CYYR1: variants seen among roughly 807,000 people sequenced by gnomAD.
CYYR1 encodes cysteine and tyrosine-rich protein 1.
A neutral mutation model predicts 15.2 loss-of-function variants in CYYR1; 14 were observed. The ratio of observed to expected loss-of-function variants is 0.92; its 90% confidence interval spans 0.61 to 1.44. The LOEUF is 1.44. Ranked by LOEUF, CYYR1 falls within the 40% of genes most tolerant of loss-of-function variation. The pLI is 0.00. For missense variants in CYYR1, 228 were observed against 209.5 expected (o/e 1.09, Z -0.54); for synonymous variants, 80 against 77.4 (o/e 1.03, Z -0.18).
intron 2 of CYYR1, among the ~76,000 whole-genome samples, chr21:26,542,286 T>C (rs906039872): frequency 1.5e-5 from 1 of 65,358 alleles, no homozygotes; most frequent in Non-Finnish European, 3.6e-5. Context: ...TATGTGTGTG[T>C]GTGCGTGTGT....
rs574872073 is a variant in CYYR1 at position 26,548,042 on chromosome 21, T to C, written c.176+18224A>G. Among the ~76,000 whole-genome samples, 4 of 152,312 alleles carry C rather than the reference T, an allele frequency of 2.6e-5. No homozygotes were observed. The East Asian group carries it at 7.7e-4, about 29-fold the overall frequency. On this transcript the variant is annotated intron_variant, in intron 2 of 3. Coordinates refer to ENST00000652641, the MANE Select transcript of CYYR1 (RefSeq NM_001320768.2). ...CACTATTTTACATCTATTACACTATTTTATCACTTATTTTTGGCACAGGCA... is the reference window on the plus strand; with the variant it reads ...CACTATTTTACATCTATTACACTATCTTATCACTTATTTTTGGCACAGGCA...
At position 26,480,383 on chromosome 21, in the gene CYYR1, C is replaced by G; in HGVS notation, c.223G>C (p.Gly75Arg). ...GIVFGIVFIM[G>R]VIAGIAICIC... Reference sequence around the variant, plus strand: ...CATATGGCAATCCCAGCAATGACCCCCATGATAAATACTATTCCAAAAACA... The same window carrying G: ...CATATGGCAATCCCAGCAATGACCCGCATGATAAATACTATTCCAAAAACA... Residue 75 changes from glycine to arginine, a missense_variant, in exon 3 of 4, where the codon GGG becomes CGG. By Grantham distance (125) the Gly-to-Arg change is moderately radical. Coordinates refer to ENST00000652641, the MANE Select transcript of CYYR1 (RefSeq NM_001320768.2). 6.2e-7 allele frequency: 1 copy of G among 1,613,406 alleles called. No homozygotes were observed. Among genetic ancestry groups the G allele is most frequent in the Non-Finnish European group, 8.5e-7 (1 of 1,179,614 alleles).
intron 2 of CYYR1, among the ~76,000 whole-genome samples, chr21:26,515,973 T>C (rs1370233170): frequency 6.6e-6 from 1 of 152,206 alleles, no homozygotes; most frequent in Non-Finnish European, 1.5e-5. Context: ...TGAAATTCTA[T>C]AGAATGAAGC....
At chr21:26,529,242 T>C (rs977339557) in intron 2 of CYYR1, among the ~76,000 whole-genome samples, 1 of 152,220 alleles carries the variant, frequency 6.6e-6, no homozygotes, top group Non-Finnish European at 1.5e-5. Context: ...CAAAGTCCAT[T>C]CTATGTTTAT....
intron 2 of CYYR1, among the ~76,000 whole-genome samples, chr21:26,506,118 T>C (rs529303410): frequency 6.6e-6 from 1 of 152,250 alleles, no homozygotes; most frequent in South Asian, 2.1e-4. Flanking sequence ...ACCACCCATT[T>C]CCCAAAGGTT....
At chr21:26,566,575 A>G (rs1289668789) in intron 1 of CYYR1, among the ~76,000 whole-genome samples, 1 of 152,158 alleles carries the variant, frequency 6.6e-6, no homozygotes, top group Non-Finnish European at 1.5e-5. Context: ...GACAAAGACA[A>G]CTCTTGAATC....
intron 3 of CYYR1, among the ~76,000 whole-genome samples, chr21:26,478,294 T>C (rs551950754): frequency 6.6e-6 from 1 of 151,210 alleles, no homozygotes; most frequent in African/African-American, 2.5e-5. Flanking sequence ...ATAGGGTGTA[T>C]TAAATCAGGG....
intron 2 of CYYR1, among the ~76,000 whole-genome samples, chr21:26,562,467 A>T (rs941824632): frequency 1.2e-4 from 19 of 152,172 alleles, no homozygotes; most frequent in Admixed American, 1.2e-3. Context: ...CAACAAAAGC[A>T]CATCATTAAA....
intron 3 of CYYR1, chr21:26,477,428 G>A (rs898590555): frequency 1.3e-5 from 2 of 153,728 alleles, no homozygotes; most frequent in Admixed American, 6.6e-5. Flanking sequence ...CCATTATTCA[G>A]TTCTGAGAAC....
At position 26,480,426 on chromosome 21, in the gene CYYR1, GCCCCT is replaced by G. The variant is rs1243577761; in HGVS notation, c.177-2_179del. Reference sequence around the variant, plus strand: ...CAAAAACAATGCCCGCAATTGCAGTGCCCCTAAAAGGAAAAACAAGTAAGTTTACT... The same window carrying G: ...CAAAAACAATGCCCGCAATTGCAGTGAAAAGGAAAAACAAGTAAGTTTACT... On this transcript the variant is annotated splice_acceptor_variant and coding_sequence_variant, in exon 3 of 4. Coordinates refer to ENST00000652641, the MANE Select transcript of CYYR1 (RefSeq NM_001320768.2). LOFTEE classifies it high-confidence loss of function. 6.2e-7 allele frequency: 1 copy of G among 1,608,688 alleles called. No individual in the cohort carries two copies. Among genetic ancestry groups the G allele is most frequent in the Admixed American group, 1.7e-5 (1 of 58,866 alleles).
intron 2 of CYYR1, among the ~76,000 whole-genome samples, chr21:26,525,562 T>C (rs1023418513): frequency 3.3e-5 from 5 of 152,216 alleles, no homozygotes; most frequent in Admixed American, 2.6e-4. Flanking sequence ...CATGAAGATA[T>C]TTATCTCATT....
intron 2 of CYYR1, among the ~76,000 whole-genome samples, chr21:26,520,678 G>A (rs1057191623): frequency 7.2e-5 from 11 of 151,746 alleles, no homozygotes; most frequent in Non-Finnish European, 5.9e-5. Context: ...ATGGTTGAAC[G>A]AATTTACATT....
At chr21:26,487,377 CAT>C (rs1042443555) in intron 2 of CYYR1, among the ~76,000 whole-genome samples, 1 of 152,152 alleles carries the variant, frequency 6.6e-6, no homozygotes, top group South Asian at 2.1e-4. Context: ...TGATGATACA[CAT>C]GAGATGAATT....
intron 2 of CYYR1, among the ~76,000 whole-genome samples, chr21:26,494,610 T>C (rs545132302): frequency 6.6e-6 from 1 of 152,166 alleles, no homozygotes; most frequent in Admixed American, 6.5e-5. Flanking sequence ...GACGCAGTAG[T>C]TGGTGTGGAA....
In CYYR1 at chr21:26,562,799, A is replaced by AACACACACACACACACACAC. The variant is rs57351372; in HGVS notation, c.176+3447_176+3466dup. The stretch of plus-strand genomic sequence containing the variant: ...ACACACACACACAGAGACATACACA[A>AACACACACACACACACACAC]ACACACACACACACACACACACACA... On this transcript the variant is annotated intron_variant, in intron 2 of 3. Coordinates refer to ENST00000652641, the MANE Select transcript of CYYR1 (RefSeq NM_001320768.2). Among the ~76,000 whole-genome samples, 1,177 of 132,552 alleles carry AACACACACACACACACACAC rather than the reference A, an allele frequency of 8.9e-3. 28 individuals carry two copies. Among genetic ancestry groups the AACACACACACACACACACAC allele is most frequent in the Middle Eastern group, 0.019 (5 of 264 alleles). 87.0% of individuals were successfully genotyped at this position (132,552 alleles called of 152,430 possible). A position where few individuals can be genotyped will look rare whatever the true frequency, so the allele number is the denominator to read the frequency against.
chr21:26,566,767 T>C (rs781479795), intron 1 of CYYR1, among the ~76,000 whole-genome samples: 16 of 152,164 alleles, frequency 1.1e-4, no homozygotes, highest in Non-Finnish European at 1.9e-4. Flanking sequence ...CCCAGCACTT[T>C]GGGAGGCTGA....
chr21:26,534,603 T>C (rs2065973156), intron 2 of CYYR1, among the ~76,000 whole-genome samples: 1 of 152,110 alleles, frequency 6.6e-6, no homozygotes, highest in African/African-American at 2.4e-5. Flanking sequence ...TCGTTGCCAC[T>C]TAACCACCTT....
intron 2 of CYYR1, among the ~76,000 whole-genome samples, chr21:26,481,119 C>T (rs1027709800): frequency 6.6e-6 from 1 of 152,046 alleles, no homozygotes; most frequent in African/African-American, 2.4e-5. Flanking sequence ...AGAAAAGAGT[C>T]AACATTATGA....
chr21:26,513,484 C>G (rs1601776188), intron 2 of CYYR1, among the ~76,000 whole-genome samples: 1 of 152,186 alleles, frequency 6.6e-6, no homozygotes, highest in African/African-American at 2.4e-5. Context: ...AGTTAGTGCT[C>G]CCATAAAGCT....
Sources: allele counts gnomAD v4.1 joint callset (sites outside exome capture counted in the v4.1 genomes callset), GRCh38; gene constraint gnomAD v4.1.1; transcripts MANE v1.5; gene names NCBI Gene and HGNC (gene_info 2026-07-23, HGNC 2026-07-21).